LYSMD3: variants seen among roughly 807,000 people sequenced by gnomAD.
LYSMD3 encodes lysM and putative peptidoglycan-binding domain-containing protein 3.
Under a neutral mutation model 26.1 loss-of-function variants are expected in LYSMD3, and 13 were observed. That is an observed-to-expected ratio of 0.50 (90% CI 0.32 to 0.79). The LOEUF (loss-of-function observed/expected upper bound fraction) is 0.79, where lower values mean the gene tolerates loss of function less well. Among genes scored for constraint, LYSMD3 ranks in the 30% least tolerant of loss-of-function variants. LYSMD3 has a pLI of 0.03. For missense variants in LYSMD3, 331 were observed against 362.5 expected (o/e 0.91, Z 0.71); for synonymous variants, 109 against 119.4 (o/e 0.91, Z 0.57).
At chr5:90,523,067 CACCATCT>C (rs1753131591) in intron 2 of LYSMD3, among the ~76,000 whole-genome samples, 1 of 152,062 alleles carries the variant, frequency 6.6e-6, no homozygotes, top group African/African-American at 2.4e-5. Flanking sequence ...AAGTGTATTC[CACCATCT>C]ACCTTCTATG....
At chr5:90,521,196 C>T (rs1228496195) in intron 2 of LYSMD3, among the ~76,000 whole-genome samples, 2 of 152,054 alleles carry the variant, frequency 1.3e-5, no homozygotes, top group African/African-American at 4.8e-5. Context: ...CATTAAGGTT[C>T]CACACCTGCA....
intron 2 of LYSMD3, among the ~76,000 whole-genome samples, chr5:90,521,509 T>C (rs1753088293): frequency 6.6e-6 from 1 of 151,938 alleles, no homozygotes; most frequent in Non-Finnish European, 1.5e-5. Context: ...AAGGAAAGGG[T>C]TGAACAATAA....
At position 90,519,171 on chromosome 5, in the gene LYSMD3, G is replaced by A. The variant is rs752623555; in HGVS notation, c.569C>T (p.Thr190Ile). The A allele has an allele frequency of 1.2e-5, 20 of 1,613,858 alleles. No homozygotes were observed. Among genetic ancestry groups the A allele is most frequent in the Non-Finnish European group, 2.5e-6 (3 of 1,179,972 alleles). The change falls in exon 3 of 3, where the codon ACA becomes ATA. Residue 190 changes from threonine (T) to isoleucine (I), a missense_variant. By Grantham distance (89) the Thr-to-Ile change is moderately conservative (BLOSUM62 -1). Coordinates refer to ENST00000315948, the MANE Select transcript of LYSMD3 (RefSeq NM_198273.2). Reference protein sequence around the residue: ...ENLNEVVSALTAQQMRFEPDN... With the variant: ...ENLNEVVSALIAQQMRFEPDN... ...AGGTTCAAAACGCATTTGTTGTGCT[G>A]TTAAGGCCGATACTACCTCATTGAG...
At chr5:90,523,886 A>G (rs901713342) in intron 2 of LYSMD3, among the ~76,000 whole-genome samples, 1 of 152,224 alleles carries the variant, frequency 6.6e-6, no homozygotes, top group Non-Finnish European at 1.5e-5. Context: ...ACCAGTTTCC[A>G]TATCAATGTG....
Position 90,529,492 on chromosome 5 carries a change from G to C in LYSMD3, c.-56C>G. 1 of 456,674 alleles carries C rather than the reference G, an allele frequency of 2.2e-6. No homozygotes were observed. The highest frequency in any genetic ancestry group is 4.4e-6 in the Non-Finnish European group (1 of 226,966). The allele number at this position is 456,674 out of a possible 1,614,324, so 28.3% of individuals were successfully genotyped here. On this transcript the variant is annotated 5_prime_UTR_variant, in exon 1 of 3. Transcript: ENST00000315948. ...GCACTCTGCGAGAAGATGGCCAAAA[G>C]GTCCGCCGCCGCCGCTGTCCCGGGT...
rs1346657289 is a variant in LYSMD3 at position 90,517,715 on chromosome 5, TTGTC to T, written c.*1100_*1103del. 2.6e-5 allele frequency: 4 copies of T among 152,288 alleles called. No homozygotes were observed. Among genetic ancestry groups the T allele is most frequent in the South Asian group, 2.1e-4 (1 of 4,828 alleles). 9.4% of individuals were successfully genotyped at this position (152,288 alleles called of 1,614,324 possible). On this transcript the variant is annotated 3_prime_UTR_variant, in exon 3 of 3. Coordinates refer to ENST00000315948, the MANE Select transcript of LYSMD3 (RefSeq NM_198273.2). Reference sequence around the variant, plus strand: ...AGAGGTTAAGGGATTACTAAATAATTTGTCTGTTACTGCTAATATAAAATACCTC... The same window carrying T: ...AGAGGTTAAGGGATTACTAAATAATTTGTTACTGCTAATATAAAATACCTC...
chr5:90,529,002 A>T (rs1282165191), intron 1 of LYSMD3, among the ~76,000 whole-genome samples: 5 of 152,208 alleles, frequency 3.3e-5, no homozygotes, highest in Non-Finnish European at 7.3e-5. Context: ...TTTGTTTTTT[A>T]AAACTTAACT....
At chr5:90,527,687 A>G (rs897853629) in intron 1 of LYSMD3, among the ~76,000 whole-genome samples, 30 of 152,120 alleles carry the variant, frequency 2.0e-4, no homozygotes, top group African/African-American at 6.0e-4. Flanking sequence ...CCCATCCCCA[A>G]TGTATCTTAT....
In LYSMD3 at chr5:90,516,899, G is replaced by A. The variant is rs1288533726; in HGVS notation, c.*1920C>T. On this transcript the variant is annotated 3_prime_UTR_variant, in exon 3 of 3. Coordinates refer to ENST00000315948, the MANE Select transcript of LYSMD3 (RefSeq NM_198273.2). Reference sequence around the variant, plus strand: ...TTTCAAAGTACAACTAGCAAAAAAAGTAAGGAATCACTGACTGTAATTTCA... The same window carrying A: ...TTTCAAAGTACAACTAGCAAAAAAAATAAGGAATCACTGACTGTAATTTCA... The A allele has an allele frequency of 6.9e-6, 1 of 145,430 alleles. No individual in the cohort carries two copies. The highest frequency in any genetic ancestry group is 1.5e-5 in the Non-Finnish European group (1 of 66,602). 9.0% of individuals were successfully genotyped at this position (145,430 alleles called of 1,614,324 possible).
In LYSMD3 at chr5:90,518,809, G is replaced by A. The variant is rs374813198; in HGVS notation, c.*10C>T. The A allele has an allele frequency of 1.2e-5, 19 of 1,603,658 alleles. No homozygotes were observed. The highest frequency in any genetic ancestry group is 1.3e-5 in the African/African-American group (1 of 74,792). On this transcript the variant is annotated 3_prime_UTR_variant, in exon 3 of 3. Coordinates refer to ENST00000315948, the MANE Select transcript of LYSMD3 (RefSeq NM_198273.2). ...CATGTGACCACTAACATTTGATTAT[G>A]AGCTAATTGCTATGTTTCCTGTTGA...
At chr5:90,521,236 T>C (rs1753081827) in intron 2 of LYSMD3, among the ~76,000 whole-genome samples, 1 of 152,088 alleles carries the variant, frequency 6.6e-6, no homozygotes, top group African/African-American at 2.4e-5. Flanking sequence ...ACCTACATTA[T>C]AGGGTTGAGG....
At chr5:90,525,451 T>C (rs184864873) in intron 1 of LYSMD3, among the ~76,000 whole-genome samples, 151 bp from the exon 2 acceptor site, 8 of 152,266 alleles carry the variant, frequency 5.3e-5, no homozygotes, top group Middle Eastern at 3.4e-3. Context: ...TTTTTTTGTT[T>C]TGTTTTGTTT....
chr5:90,524,357 C>CA (rs1554042605), intron 2 of LYSMD3, among the ~76,000 whole-genome samples: 1 of 152,018 alleles, frequency 6.6e-6, no homozygotes. Context: ...CTTATGAGCA[C>CA]AAAAAAAGGT....
In LYSMD3 at chr5:90,516,207, AGAGT is replaced by A. The variant is rs1752941952; in HGVS notation, c.*2608_*2611del. 2.0e-5 allele frequency: 3 copies of A among 152,094 alleles called. No individual in the cohort carries two copies. In the South Asian group the frequency reaches 6.2e-4, roughly 32 times the overall value. 9.4% of individuals were successfully genotyped at this position (152,094 alleles called of 1,614,324 possible). A position where few individuals can be genotyped will look rare whatever the true frequency, so the allele number is the denominator to read the frequency against. The stretch of plus-strand genomic sequence containing the variant: ...TCTTCTAATTTTTAATGTGGCCAGC[AGAGT>A]GTGTAACCATTTTTAACATATCTTT... On this transcript the variant is annotated 3_prime_UTR_variant, in exon 3 of 3. Coordinates refer to ENST00000315948, the MANE Select transcript of LYSMD3 (RefSeq NM_198273.2).
rs1055154770 is a variant in LYSMD3, at chr5:90,516,646, A to G, written c.*2173T>C. 1.3e-5 allele frequency: 2 copies of G among 152,336 alleles called. No homozygotes were observed. Among genetic ancestry groups the G allele is most frequent in the African/African-American group, 2.4e-5 (1 of 41,452 alleles). The allele number at this position is 152,336 out of a possible 1,614,324, so 9.4% of individuals were successfully genotyped here. On this transcript the variant is annotated 3_prime_UTR_variant, in exon 3 of 3. Transcript: ENST00000315948. ...CTAAACAGATTAGAACCATAATTCA[A>G]TATGTAACCTTTATATAGAATTATA...
intron 2 of LYSMD3, chr5:90,520,463 T>C (rs1405842240): frequency 4.4e-6 from 2 of 454,556 alleles, no homozygotes; most frequent in Non-Finnish European, 8.8e-6. Flanking sequence ...AATGGAACAC[T>C]GTGGAGGGTA....
At chr5:90,524,129 A>G (rs1753158715) in intron 2 of LYSMD3, among the ~76,000 whole-genome samples, 1 of 152,206 alleles carries the variant, frequency 6.6e-6, no homozygotes, top group African/African-American at 2.4e-5. Context: ...GTATCAATTA[A>G]TAGGGCAATG....
chr5:90,528,370 A>T (rs963644445), intron 1 of LYSMD3, among the ~76,000 whole-genome samples: 5 of 152,236 alleles, frequency 3.3e-5, no homozygotes, highest in African/African-American at 1.2e-4. Flanking sequence ...AGAACTTCAA[A>T]ATTGGCTTAG....
In LYSMD3 at chr5:90,525,304, G is replaced by A; in HGVS notation, c.-11-4C>T. ...CTCCCTGCCATAATGTTAAAATCTG[G>A]AGGAAAAAAAAAGCAGAGAAAATTT... On this transcript the variant is annotated splice_polypyrimidine_tract_variant and splice_region_variant and intron_variant, in intron 1 of 2. Coordinates refer to ENST00000315948, the MANE Select transcript of LYSMD3 (RefSeq NM_198273.2). 1 of 1,565,506 alleles carries A rather than the reference G, an allele frequency of 6.4e-7. No homozygotes were observed. Among genetic ancestry groups the A allele is most frequent in the Non-Finnish European group, 8.6e-7 (1 of 1,160,170 alleles).
Sources: gnomAD v4.1 joint callset for allele counts (sites outside exome capture counted in the v4.1 genomes callset) on GRCh38, gnomAD v4.1.1 for gene constraint, MANE v1.5 for transcripts, NCBI Gene and HGNC (gene_info 2026-07-23, HGNC 2026-07-21) for gene names.